PARD3B: variants seen among roughly 807,000 people sequenced by gnomAD.
The protein encoded by PARD3B is par-3 family cell polarity regulator beta.
Under a neutral mutation model 130.2 loss-of-function variants are expected in PARD3B, and 103 were observed. The ratio of observed to expected loss-of-function variants is 0.79; its 90% CI spans 0.67 to 0.93. PARD3B has a LOEUF of 0.93. Ranked by LOEUF, PARD3B falls within the 40% of genes least tolerant of loss-of-function variation. The probability of loss-of-function intolerance (pLI) is 0.00; values close to 1 mark genes in which losing one functional copy is unlikely to be tolerated. For synonymous variants in PARD3B, 583 were observed against 553.2 expected (o/e 1.05, Z -0.76); for missense variants, 1,609 against 1,499.2 (o/e 1.07, Z -1.21).
intron 20 of PARD3B, among the ~76,000 whole-genome samples, chr2:205,449,718 G>A (rs2048034129): frequency 6.6e-6 from 1 of 152,142 alleles, no homozygotes; most frequent in Non-Finnish European, 1.5e-5. Flanking sequence ...ACAGCGCACA[G>A]CTCCTGAATG....
chr2:204,582,957 C>T lies in PARD3B; in HGVS notation c.120+36838C>T, dbSNP rs941815068. The stretch of plus-strand genomic sequence containing the variant: ...TTGAGAAGTGTCTGTTCATGTCCTT[C>T]GCCCACTTTTTGAAACAACAGGTGC... On this transcript the variant is annotated intron_variant, in intron 1 of 22. Coordinates refer to ENST00000406610, the MANE Select transcript of PARD3B (RefSeq NM_001302769.2). Among the ~76,000 whole-genome samples, 17 of 152,064 alleles carry T rather than the reference C, an allele frequency of 1.1e-4. 1 individual carries two copies. The highest frequency in any genetic ancestry group is 2.7e-4 in the African/African-American group (11 of 41,378).
intron 22 of PARD3B, among the ~76,000 whole-genome samples, chr2:205,602,671 C>A (rs2054834973): frequency 6.6e-6 from 1 of 152,056 alleles, no homozygotes; most frequent in African/African-American, 2.4e-5. Flanking sequence ...CTGTTTATAG[C>A]ATTCTGATGG....
At chr2:205,543,182 T>C (rs1178043285) in intron 21 of PARD3B, among the ~76,000 whole-genome samples, 1 of 152,138 alleles carries the variant, frequency 6.6e-6, no homozygotes, top group Non-Finnish European at 1.5e-5. Flanking sequence ...CTCAGGAAGC[T>C]TACAATCTGA....
At chr2:204,761,996 T>C (rs897881693) in intron 2 of PARD3B, among the ~76,000 whole-genome samples, 1 of 152,086 alleles carries the variant, frequency 6.6e-6, no homozygotes, top group African/African-American at 2.4e-5. Flanking sequence ...GTCATTGTCT[T>C]TAATATCTAA....
chr2:204,815,312 C>A lies in PARD3B; in HGVS notation c.222+129030C>A, dbSNP rs561544358. On this transcript the variant is annotated intron_variant, in intron 2 of 22. Coordinates refer to ENST00000406610, the MANE Select transcript of PARD3B (RefSeq NM_001302769.2). ...TAACCTAAGTTGTTGAATTTATTGG[C>A]ATAAAGTTGTTCAAAGTATTCCCTT... is the stretch of plus-strand genomic sequence containing the variant. 1.1e-4 allele frequency among the ~76,000 whole-genome samples: 17 copies of A among 151,986 alleles called. 1 individual carries two copies. In the South Asian group the frequency reaches 3.3e-3, roughly 30 times the overall value.
Position 205,121,626 on chromosome 2 carries a change from C to T in PARD3B, c.842C>T (p.Pro281Leu), listed in dbSNP as rs756173188. The T allele has an allele frequency of 6.2e-7, 1 of 1,613,968 alleles. No individual in the cohort carries two copies. The highest frequency in any genetic ancestry group is 8.5e-7 in the Non-Finnish European group (1 of 1,179,878). ...GTCTTCCGCCAGGCAATGAAATCTC[C>T]AAGTGTGCTCCTCCACGTGCTTCCT... ...QDVFRQAMKS[P>L]SVLLHVLPPQ... The change falls in exon 8 of 23, where the codon CCA (proline) becomes CTA (leucine). Residue 281 changes from proline to leucine, a missense_variant. Transcript: ENST00000406610. The surrounding 1 kb of genome is among the most constrained non-coding windows in gnomAD (Gnocchi z 5.0).
chr2:204,911,433 G>T (rs1437921816), intron 2 of PARD3B, among the ~76,000 whole-genome samples: 1 of 152,160 alleles, frequency 6.6e-6, no homozygotes, highest in Non-Finnish European at 1.5e-5. Flanking sequence ...TGGAAACCAG[G>T]ATACCACTTG....
At chr2:205,046,005 A>G (rs1698750474) in intron 3 of PARD3B, among the ~76,000 whole-genome samples, 1 of 152,074 alleles carries the variant, frequency 6.6e-6, no homozygotes, top group Non-Finnish European at 1.5e-5. Flanking sequence ...GGCCTGATTA[A>G]ATGCTTGGAA....
chr2:205,124,209 A>T, intron 8 of PARD3B, 118 bp from the exon 9 acceptor site: 2 of 858,836 alleles, frequency 2.3e-6, no homozygotes, highest in South Asian at 4.1e-5. Flanking sequence ...AATGTCCCAG[A>T]ATGTAAATAT....
rs1345880031 is a variant in PARD3B at position 205,440,911 on chromosome 2, A to G, written c.3044+239A>G. Among the ~76,000 whole-genome samples, 1 of 152,200 alleles carries G rather than the reference A, an allele frequency of 6.6e-6. No individual in the cohort carries two copies. Among genetic ancestry groups the G allele is most frequent in the Non-Finnish European group, 1.5e-5 (1 of 68,040 alleles). ...TAGCAGAGTTCATGATGCAATAGGG[A>G]GCCATTTTTGAAGGAGTATTGTGAC... On this transcript the variant is annotated intron_variant, in intron 20 of 22. Coordinates refer to ENST00000406610, the MANE Select transcript of PARD3B (RefSeq NM_001302769.2). This position sits in a 1 kb window ranked among gnomAD's most constrained non-coding sequence, Gnocchi z 4.2.
chr2:204,844,943 C>T (rs982016678), intron 2 of PARD3B, among the ~76,000 whole-genome samples: 1 of 152,024 alleles, frequency 6.6e-6, no homozygotes, highest in Non-Finnish European at 1.5e-5. Flanking sequence ...TCTTACTCTC[C>T]TCCCCCACTG....
rs945416027 is a variant in PARD3B at position 204,887,334 on chromosome 2, T to C, written c.223-77818T>C. 3.9e-5 allele frequency among the ~76,000 whole-genome samples: 6 copies of C among 152,194 alleles called. No homozygotes were observed. Among genetic ancestry groups the C allele is most frequent in the African/African-American group, 1.4e-4 (6 of 41,462 alleles). On this transcript the variant is annotated intron_variant, in intron 2 of 22. Coordinates refer to ENST00000406610, the MANE Select transcript of PARD3B (RefSeq NM_001302769.2). This position sits in a 1 kb window ranked among gnomAD's most constrained non-coding sequence, Gnocchi z 4.2. Reference sequence around the variant, plus strand: ...AGCTGAGTCACTTGCCACCTGCATATATCTTTGTTTAAAAAGCATTAGTGG... The same window carrying C: ...AGCTGAGTCACTTGCCACCTGCATACATCTTTGTTTAAAAAGCATTAGTGG...
In PARD3B at chr2:205,172,393, C is replaced by T; in HGVS notation, c.1791+12C>T. 3.7e-6 allele frequency: 6 copies of T among 1,609,260 alleles called. No homozygotes were observed. The highest frequency in any genetic ancestry group is 5.1e-6 in the Non-Finnish European group (6 of 1,176,768). On this transcript the variant is annotated intron_variant, in intron 12 of 22. Coordinates refer to ENST00000406610, the MANE Select transcript of PARD3B (RefSeq NM_001302769.2). The stretch of plus-strand genomic sequence containing the variant: ...AGAGACCAATGGAGGTGATGCAAAT[C>T]TTGATTCTCCTCAGCCAGTTGCCCA...
At chr2:205,451,328 A>G (rs2048095932) in intron 20 of PARD3B, among the ~76,000 whole-genome samples, 1 of 151,800 alleles carries the variant, frequency 6.6e-6, no homozygotes, top group Admixed American at 6.5e-5. Flanking sequence ...TCATTGGCAA[A>G]AAATGTATTA....
chr2:205,500,306 A>T (rs1406955499), intron 21 of PARD3B, among the ~76,000 whole-genome samples: 3 of 152,122 alleles, frequency 2.0e-5, no homozygotes, highest in Admixed American at 1.3e-4. Flanking sequence ...AGCTACTTTA[A>T]AGAGGGCAAG....
At chr2:204,894,583 T>C (rs1032009177) in intron 2 of PARD3B, among the ~76,000 whole-genome samples, 3 of 152,042 alleles carry the variant, frequency 2.0e-5, no homozygotes, top group Non-Finnish European at 4.4e-5. Flanking sequence ...TTATAGTAAA[T>C]TGCAAATTTC....
At chr2:204,803,036 A>G (rs1021063827) in intron 2 of PARD3B, among the ~76,000 whole-genome samples, 1 of 150,828 alleles carries the variant, frequency 6.6e-6, no homozygotes, top group African/African-American at 2.4e-5. Context: ...AGGAAGTGAA[A>G]GAAATGAAAG....
chr2:205,476,795 G>A (rs760858899), intron 20 of PARD3B, among the ~76,000 whole-genome samples: 22 of 152,082 alleles, frequency 1.4e-4, no homozygotes, highest in Non-Finnish European at 3.1e-4. Flanking sequence ...CTTATTAACA[G>A]TAATTTCATC....
intron 2 of PARD3B, among the ~76,000 whole-genome samples, chr2:204,944,491 A>T (rs1034662969): frequency 5.3e-5 from 8 of 152,138 alleles, no homozygotes; most frequent in Non-Finnish European, 1.0e-4. Flanking sequence ...GGCCATCTCC[A>T]TTTCTTTGTG....
Sources: gnomAD v4.1 joint callset for allele counts (sites outside exome capture counted in the v4.1 genomes callset) on GRCh38, gnomAD v4.1.1 for gene constraint, Gnocchi (gnomAD v3.1) non-coding constraint, MANE v1.5 for transcripts, NCBI Gene and HGNC (gene_info 2026-07-23, HGNC 2026-07-21) for gene names.